Variants in MRC2 observed in about 807,000 individuals in gnomAD.
MRC2 encodes C-type mannose receptor 2.
MRC2 carries 84 observed loss-of-function variants against 206.2 expected under a neutral mutation model. The observed-to-expected ratio is 0.41, with a 90% CI of 0.34 to 0.49. The LOEUF (loss-of-function observed/expected upper bound fraction) is 0.49. MRC2 is among the 20% of genes least tolerant of loss of function. The pLI, the probability that MRC2 is intolerant of heterozygous loss-of-function variation, is 0.31. For missense variants in MRC2, 1,676 were observed against 2,001.5 expected (o/e 0.84, Z 3.10); for synonymous variants, 798 against 800.0 (o/e 1.00, Z 0.04).
At chr17:62,634,145 C>T (rs961124305) in intron 1 of MRC2, among the ~76,000 whole-genome samples, 3 of 152,100 alleles carry the variant, frequency 2.0e-5, no homozygotes, top group African/African-American at 4.8e-5. Flanking sequence ...GGGCAATTCC[C>T]GGAACTGAGG....
intron 20 of MRC2, among the ~76,000 whole-genome samples, chr17:62,684,272 C>A (rs1252199302): frequency 6.6e-6 from 1 of 152,170 alleles, no homozygotes; most frequent in Non-Finnish European, 1.5e-5. Flanking sequence ...TAATTCTCCC[C>A]ATTTTTAGTC....
At position 62,666,333 on chromosome 17, in the gene MRC2, C is replaced by T. The variant is rs2088754257; in HGVS notation, c.694+66C>T. On this transcript the variant is annotated intron_variant, in intron 3 of 29. Transcript: ENST00000303375. This position sits in a 1 kb window ranked among gnomAD's most constrained non-coding sequence, Gnocchi z 5.0. ...TGGAGGGAGGCTGGTGCTGAGGGGC[C>T]CCGGGGCCCAGGGTGAGATACTGCC... 1 of 1,558,348 alleles carries T rather than the reference C, an allele frequency of 6.4e-7. No homozygotes were observed. The highest frequency in any genetic ancestry group is 1.4e-5 in the African/African-American group (1 of 73,758).
At position 62,652,766 on chromosome 17, in the gene MRC2, T is replaced by C. The variant is rs1366780449; in HGVS notation, c.119-11782T>C. On this transcript the variant is annotated intron_variant, in intron 1 of 29. Coordinates refer to ENST00000303375, the MANE Select transcript of MRC2 (RefSeq NM_006039.5). The surrounding 1 kb of genome is among the most constrained non-coding windows in gnomAD (Gnocchi z 4.6). ...ACGGTGACAGAGGAAGTGGCGCCGC[T>C]TGGGGGGGTGCACGATGGCAGGGGG... Among the ~76,000 whole-genome samples, 1 of 93,332 alleles carries C rather than the reference T, an allele frequency of 1.1e-5. No homozygotes were observed. The highest frequency in any genetic ancestry group is 2.1e-5 in the Non-Finnish European group (1 of 47,494). The allele number at this position is 93,332 out of a possible 152,430, so 61.2% of individuals were successfully genotyped here. A position where few individuals can be genotyped will look rare whatever the true frequency, so the allele number is the denominator to read the frequency against.
At position 62,627,795 on chromosome 17, in the gene MRC2, G is replaced by C. The variant is rs776895587; in HGVS notation, c.-8G>C. On this transcript the variant is annotated 5_prime_UTR_variant, in exon 1 of 30. Coordinates refer to ENST00000303375, the MANE Select transcript of MRC2 (RefSeq NM_006039.5). ...GGTCCCCGCGTCCACTGAGCGCCGC[G>C]CTCGGGGATGGGGCCCGGCCGGCCG... 2.8e-6 allele frequency: 4 copies of C among 1,423,542 alleles called. No individual in the cohort carries two copies. Among genetic ancestry groups the C allele is most frequent in the Admixed American group, 3.1e-5 (1 of 32,016 alleles). The allele number at this position is 1,423,542 out of a possible 1,614,324, so 88.2% of individuals were successfully genotyped here.
intron 1 of MRC2, among the ~76,000 whole-genome samples, chr17:62,633,638 A>G (rs1346337976): frequency 6.6e-6 from 1 of 150,764 alleles, no homozygotes; most frequent in African/African-American, 2.4e-5. Context: ...CAGGAGTTCA[A>G]GACCAACTTG....
Position 62,667,622 on chromosome 17 carries a change from C to T in MRC2, c.1117+89C>T, listed in dbSNP as rs932335684. On this transcript the variant is annotated intron_variant, in intron 6 of 29. Coordinates refer to ENST00000303375, the MANE Select transcript of MRC2 (RefSeq NM_006039.5). This position sits in a 1 kb window ranked among gnomAD's most constrained non-coding sequence, Gnocchi z 4.1. ...GCCGTGGCAGGCCCAGCCTCTCCTC[C>T]GGTTACCACCACAGCACAAGGGGAC... The T allele has an allele frequency of 9.2e-6, 13 of 1,413,806 alleles. No individual in the cohort carries two copies. The highest frequency in any genetic ancestry group is 2.5e-4 in the Middle Eastern group (1 of 4,076). The allele number at this position is 1,413,806 out of a possible 1,614,324, so 87.6% of individuals were successfully genotyped here.
In MRC2 at chr17:62,688,563, C is replaced by A. The variant is rs1053285396; in HGVS notation, c.3124C>A (p.Gln1042Lys). ...CCTTTGGATTGGCCTCCATGCCTCG[C>A]AGAGGGACTTCCAGTGGGTGGAGCA... ...FDLWIGLHAS[Q>K]RDFQWVEQEP... Residue 1042 changes from glutamine to lysine, a missense_variant, in exon 22 of 30, where the codon CAG becomes AAG. Gln to Lys is a moderately conservative substitution (Grantham distance 53, BLOSUM62 1). This residue lies in a region of MRC2 where 1,354 missense variants were observed against 1,636.6 expected (regional missense o/e 0.83). Coordinates refer to ENST00000303375, the MANE Select transcript of MRC2 (RefSeq NM_006039.5). The A allele has an allele frequency of 3.7e-6, 6 of 1,614,260 alleles. No individual in the cohort carries two copies. Among genetic ancestry groups the A allele is most frequent in the South Asian group, 3.3e-5 (3 of 91,090 alleles).
chr17:62,681,244 C>G (rs1345623235), intron 18 of MRC2, 115 bp downstream of exon 18: 7 of 1,278,876 alleles, frequency 5.5e-6, no homozygotes, highest in Non-Finnish European at 7.7e-6. Context: ...GCTGTGTGGC[C>G]TTGAGCAAGA....
At chr17:62,651,996 AC>A (rs1406233433) in intron 1 of MRC2, among the ~76,000 whole-genome samples, 1 of 152,154 alleles carries the variant, frequency 6.6e-6, no homozygotes, top group Non-Finnish European at 1.5e-5. Flanking sequence ...AAGTCAGAAA[AC>A]ATAAATTTTC....
At chr17:62,634,425 C>CA (rs1257272134) in intron 1 of MRC2, among the ~76,000 whole-genome samples, 1 of 152,076 alleles carries the variant, frequency 6.6e-6, no homozygotes, top group African/African-American at 2.4e-5. Flanking sequence ...CTCAGCCTCC[C>CA]AAGTAGCTGG....
Position 62,674,094 on chromosome 17 carries a change from A to G in MRC2, c.1493A>G (p.Gln498Arg). The change falls in exon 9 of 30, where the codon CAG becomes CGG. Residue 498 changes from glutamine to arginine, a missense_variant. Transcript: ENST00000303375. ...CGCTGGAACGACAGTCCCTGTAACCAGTCCTTGCCATCCATCTGCAAGAAG... is the reference window on the plus strand; with the variant it reads ...CGCTGGAACGACAGTCCCTGTAACCGGTCCTTGCCATCCATCTGCAAGAAG... ...EGRWNDSPCNQSLPSICKKAG... is the reference protein window; with the variant it reads ...EGRWNDSPCNRSLPSICKKAG... The G allele has an allele frequency of 6.4e-7, 1 of 1,555,162 alleles. No individual in the cohort carries two copies. Among genetic ancestry groups the G allele is most frequent in the African/African-American group, 1.4e-5 (1 of 73,456 alleles).
Position 62,667,360 on chromosome 17 carries a change from G to C in MRC2, c.974-30G>C. 1.3e-6 allele frequency: 2 copies of C among 1,570,204 alleles called. No individual in the cohort carries two copies. The highest frequency in any genetic ancestry group is 1.7e-6 in the Non-Finnish European group (2 of 1,159,380). ...AGCCACGGTGTGAGCTTCTCTCTCC[G>C]GGGGTGCTGGCGCCCTGCCCTCCCC... On this transcript the variant is annotated intron_variant, in intron 5 of 29. Transcript: ENST00000303375. The surrounding 1 kb of genome is among the most constrained non-coding windows in gnomAD (Gnocchi z 4.1).
At chr17:62,651,378 G>A (rs965956702) in intron 1 of MRC2, among the ~76,000 whole-genome samples, 4 of 150,594 alleles carry the variant, frequency 2.7e-5, no homozygotes, top group Non-Finnish European at 4.4e-5. Flanking sequence ...CACTGCGCCC[G>A]GCCGACAAAC....
intron 6 of MRC2, among the ~76,000 whole-genome samples, chr17:62,668,528 GCA>G (rs1180389666): frequency 7.2e-5 from 11 of 152,124 alleles, no homozygotes; most frequent in African/African-American, 2.4e-4. Flanking sequence ...TGTTAGAAAT[GCA>G]CAGTCAGGCC....
chr17:62,662,898 A>G (rs2088698136), intron 1 of MRC2, among the ~76,000 whole-genome samples: 1 of 152,196 alleles, frequency 6.6e-6, no homozygotes, highest in Non-Finnish European at 1.5e-5. Context: ...AACACGAGCA[A>G]TAGTCCGTCT....
rs377658136 is a variant in MRC2, at chr17:62,671,975, C to T, written c.1307-23C>T. The T allele has an allele frequency of 6.2e-7, 1 of 1,613,962 alleles. No individual in the cohort carries two copies. The highest frequency in any genetic ancestry group is 8.5e-7 in the Non-Finnish European group (1 of 1,179,994). On this transcript the variant is annotated intron_variant, in intron 7 of 29. Coordinates refer to ENST00000303375, the MANE Select transcript of MRC2 (RefSeq NM_006039.5). This position sits in a 1 kb window ranked among gnomAD's most constrained non-coding sequence, Gnocchi z 4.5. The stretch of plus-strand genomic sequence containing the variant: ...CTGACCTCTCAATGTTTTCTCTCCC[C>T]TCCTCTCCTGCTGCACCCCCAGAGG...
At position 62,664,737 on chromosome 17, in the gene MRC2, C is replaced by T. The variant is rs1393464084; in HGVS notation, c.308C>T (p.Thr103Ile). 25 of 1,614,026 alleles carry T rather than the reference C, an allele frequency of 1.5e-5. No homozygotes were observed. The highest frequency in any genetic ancestry group is 2.0e-5 in the Non-Finnish European group (24 of 1,180,034). The change falls in exon 2 of 30, where the codon ACC becomes ATC. Residue 103 changes from threonine to isoleucine, a missense_variant. Thr to Ile is a moderately conservative substitution (Grantham distance 89). This residue lies in a region of MRC2 where 318 missense variants were observed against 346.7 expected (regional missense o/e 0.92). Transcript: ENST00000303375. The surrounding 1 kb of genome is among the most constrained non-coding windows in gnomAD (Gnocchi z 4.7). ...CLGTGWPGTN[T>I]TASLGMYECD... ...GGCACAGGCTGGCCAGGCACCAACA[C>T]CACGGCCTCCCTGGGCATGTATGAG...
rs771853835 is a variant in MRC2 at position 62,664,680 on chromosome 17, G to A, written c.251G>A (p.Arg84Gln). ...CGCTGGAAGTGGGTCTCCCGAAACC[G>A]GCTATTCAACCTGGGTACCATGCAG... is the stretch of plus-strand genomic sequence containing the variant. ...AQRWKWVSRN[R>Q]LFNLGTMQCL... is the part of the protein sequence containing the mutation. The change falls in exon 2 of 30, where the codon CGG becomes CAG. Residue 84 changes from arginine (R) to glutamine (Q), a missense_variant. Arg to Gln is a conservative substitution (Grantham distance 43). Transcript: ENST00000303375. The surrounding 1 kb of genome is among the most constrained non-coding windows in gnomAD (Gnocchi z 4.7). 3.1e-6 allele frequency: 5 copies of A among 1,613,942 alleles called. No homozygotes were observed. The highest frequency in any genetic ancestry group is 1.1e-5 in the South Asian group (1 of 91,080).
At position 62,652,339 on chromosome 17, in the gene MRC2, C is replaced by A. The variant is rs905722845; in HGVS notation, c.119-12209C>A. 6.6e-6 allele frequency among the ~76,000 whole-genome samples: 1 copy of A among 152,248 alleles called. No individual in the cohort carries two copies. Among genetic ancestry groups the A allele is most frequent in the Non-Finnish European group, 1.5e-5 (1 of 68,048 alleles). Reference sequence around the variant, plus strand: ...CAGGTGTGGCTCGGCAGAGGCCTTCCGCACCTGCGTTATGGAGTGGTGGCC... The same window carrying A: ...CAGGTGTGGCTCGGCAGAGGCCTTCAGCACCTGCGTTATGGAGTGGTGGCC... On this transcript the variant is annotated intron_variant, in intron 1 of 29. Coordinates refer to ENST00000303375, the MANE Select transcript of MRC2 (RefSeq NM_006039.5). The surrounding 1 kb of genome is among the most constrained non-coding windows in gnomAD (Gnocchi z 4.6).
Sources: allele counts gnomAD v4.1 joint callset (sites outside exome capture counted in the v4.1 genomes callset), GRCh38; gene constraint gnomAD v4.1.1; regional missense constraint gnomAD v4.1.1; non-coding constraint Gnocchi (gnomAD v3.1); transcripts MANE v1.5; gene names NCBI Gene and HGNC (gene_info 2026-07-23, HGNC 2026-07-21).